The following PRR16 variants were observed in gnomAD, a reference collection of about 807,000 sequenced individuals.
PRR16 encodes the protein protein Largen.
Under a neutral mutation model 18.2 loss-of-function variants are expected in PRR16, and 6 were observed. The ratio of observed to expected loss-of-function variants is 0.33; its 90% CI spans 0.18 to 0.65. PRR16 has a LOEUF of 0.65. Among genes scored for constraint, PRR16 ranks in the 30% least tolerant of loss-of-function variants. The pLI, the probability that PRR16 is intolerant of heterozygous loss-of-function variation, is 0.74. For synonymous variants in PRR16, 151 were observed against 147.8 expected, an observed-to-expected ratio of 1.02 and a Z score of -0.16; for missense variants, 412 against 376.6, an observed-to-expected ratio of 1.09 and a Z score of -0.78.
At chr5:120,691,662 ACTCT>A (rs377681138), downstream of PRR16, among the ~76,000 whole-genome samples, 18 of 152,114 alleles carry the variant, frequency 1.2e-4, no homozygotes, top group African/African-American at 4.1e-4. Flanking sequence ...CGTGCTTACA[ACTCT>A]CTCTAATAAA....
chr5:120,749,348 G>A, the PRR16 span, among the ~76,000 whole-genome samples: 1 of 152,096 alleles, frequency 6.6e-6, no homozygotes, highest in African/African-American at 2.4e-5. Context: ...AAATTGTTAT[G>A]TTAGGAGTTT....
the PRR16 span, among the ~76,000 whole-genome samples, chr5:120,766,899 A>C: frequency 6.6e-6 from 1 of 151,894 alleles, no homozygotes; most frequent in Non-Finnish European, 1.5e-5. Context: ...ATTTAAACTT[A>C]TTTCAAAGTA....
the PRR16 span, among the ~76,000 whole-genome samples, chr5:120,717,880 A>T: frequency 6.6e-6 from 1 of 152,216 alleles, no homozygotes; most frequent in Non-Finnish European, 1.5e-5. Context: ...ATCTAAATAG[A>T]AATACTTAGT....
intron 1 of PRR16, among the ~76,000 whole-genome samples, chr5:120,466,756 A>G (rs1749118968): frequency 6.6e-6 from 1 of 152,196 alleles, no homozygotes; most frequent in African/African-American, 2.4e-5. Flanking sequence ...AACCCAGTAG[A>G]TGAAACTATC....
At chr5:120,590,945 TATA>T (rs1360529945) in intron 1 of PRR16, among the ~76,000 whole-genome samples, 1 of 152,104 alleles carries the variant, frequency 6.6e-6, no homozygotes, top group African/African-American at 2.4e-5. Context: ...GATTTGATCT[TATA>T]GTATTCCTAT....
At chr5:120,470,645 G>A (rs1052039815) in intron 1 of PRR16, among the ~76,000 whole-genome samples, 2 of 151,916 alleles carry the variant, frequency 1.3e-5, no homozygotes, top group Admixed American at 6.6e-5. Flanking sequence ...AGCAGTTTTG[G>A]CAATATGAAT....
rs147854681 is a variant in PRR16, at chr5:120,587,026, G to C, written c.160-98928G>C. ...TGATAAGCAAAACAGCCTTATTGCT[G>C]ATGAGAAAGTTTTAGTGATCTGGAT... is the stretch of plus-strand genomic sequence containing the variant. On this transcript the variant is annotated intron_variant, in intron 1 of 1. Coordinates refer to ENST00000407149, the MANE Select transcript of PRR16 (RefSeq NM_001300783.2). Among the ~76,000 whole-genome samples, 75 of 152,280 alleles carry C rather than the reference G, an allele frequency of 4.9e-4. 1 individual carries two copies. In the East Asian group the frequency reaches 0.013, roughly 27 times the overall value.
chr5:120,599,686 T>G (rs1753920401), intron 1 of PRR16, among the ~76,000 whole-genome samples: 1 of 151,948 alleles, frequency 6.6e-6, no homozygotes, highest in Admixed American at 6.6e-5. Context: ...AGTTTATTTT[T>G]GCTTGTGTTT....
At chr5:120,782,551 T>C in the PRR16 span, among the ~76,000 whole-genome samples, 1 of 152,082 alleles carries the variant, frequency 6.6e-6, no homozygotes, top group Non-Finnish European at 1.5e-5. Context: ...CATATGCTGC[T>C]TCCCTCTATC....
intron 1 of PRR16, among the ~76,000 whole-genome samples, chr5:120,600,520 C>G (rs1246572027): frequency 6.6e-6 from 1 of 151,834 alleles, no homozygotes; most frequent in Non-Finnish European, 1.5e-5. Flanking sequence ...AGACTAATGT[C>G]TAATGATATA....
intron 1 of PRR16, among the ~76,000 whole-genome samples, chr5:120,585,631 G>C (rs1355581747): frequency 3.5e-5 from 5 of 144,692 alleles, no homozygotes; most frequent in Admixed American, 6.8e-5. Flanking sequence ...AAAAAAAAAA[G>C]CTCCTTCTTC....
At chr5:120,651,203 A>T (rs1442908767) in intron 1 of PRR16, among the ~76,000 whole-genome samples, 2 of 151,932 alleles carry the variant, frequency 1.3e-5, no homozygotes, top group African/African-American at 2.4e-5. Flanking sequence ...AATTTGTTTG[A>T]GTTCATTGTA....
the PRR16 span, among the ~76,000 whole-genome samples, chr5:120,706,442 G>A: frequency 6.6e-6 from 1 of 152,062 alleles, no homozygotes; most frequent in African/African-American, 2.4e-5. Flanking sequence ...TTGCTGATAC[G>A]CTCCTTCAGC....
chr5:120,787,158 C>T, the PRR16 span, among the ~76,000 whole-genome samples: 1 of 152,040 alleles, frequency 6.6e-6, no homozygotes, highest in African/African-American at 2.4e-5. Flanking sequence ...ACTTATTTAA[C>T]TTGTATAACA....
chr5:120,555,778 A>C (rs1752388358), intron 1 of PRR16, among the ~76,000 whole-genome samples: 1 of 151,038 alleles, frequency 6.6e-6, no homozygotes, highest in Non-Finnish European at 1.5e-5. Flanking sequence ...TTGTAGACAC[A>C]ATCTTCTAAA....
At chr5:120,651,801 T>C (rs148068203) in intron 1 of PRR16, among the ~76,000 whole-genome samples, 9,151 of 152,194 alleles carry the variant, frequency 0.06, 320 homozygotes, top group South Asian at 0.083. Context: ...AGGATTGACT[T>C]GGCGATGTGG....
the PRR16 span, among the ~76,000 whole-genome samples, chr5:120,707,613 T>C: frequency 6.6e-6 from 1 of 152,194 alleles, no homozygotes; most frequent in Non-Finnish European, 1.5e-5. Flanking sequence ...TAACGGCTTC[T>C]TACAGACAGC....
At chr5:120,750,843 TTAAAATACACAG>T in the PRR16 span, among the ~76,000 whole-genome samples, 3 of 152,144 alleles carry the variant, frequency 2.0e-5, no homozygotes, top group African/African-American at 7.2e-5. Flanking sequence ...TCTAGTTATT[TTAAAATACACAG>T]TAAATCATTG....
At chr5:120,516,823 A>G (rs181281578) in intron 1 of PRR16, among the ~76,000 whole-genome samples, 109 of 152,266 alleles carry the variant, frequency 7.2e-4, no homozygotes, top group African/African-American at 2.5e-3. Flanking sequence ...ATAGCAAGGG[A>G]TGCTGGTGGT....
Sources: allele counts gnomAD v4.1 joint callset (sites outside exome capture counted in the v4.1 genomes callset), GRCh38; gene constraint gnomAD v4.1.1; transcripts MANE v1.5; gene names NCBI Gene and HGNC (gene_info 2026-07-23, HGNC 2026-07-21).